CSE1L: variants seen among roughly 807,000 people sequenced by gnomAD.
CSE1L encodes chromosome segregation 1 like.
A neutral mutation model predicts 120.4 loss-of-function variants in CSE1L; 24 were observed. The ratio of observed to expected loss-of-function variants is 0.20; its 90% CI spans 0.14 to 0.28. CSE1L has a LOEUF of 0.28. Ranked by LOEUF, CSE1L falls within the 10% of genes least tolerant of loss-of-function variation. The pLI is 1.00. For missense variants in CSE1L, 830 were observed against 1,145.2 expected (o/e 0.72, Z 3.97); for synonymous variants, 402 against 398.3 (o/e 1.01, Z -0.11).
At chr20:49,069,244 AAAAGACTTG>A (rs1257376323) in intron 7 of CSE1L, among the ~76,000 whole-genome samples, 2 of 152,216 alleles carry the variant, frequency 1.3e-5, no homozygotes, top group Non-Finnish European at 2.9e-5. Flanking sequence ...TGAGGGAGAC[AAAAGACTTG>A]AAGTACCAGA....
At chr20:49,049,913 G>A (rs762259718) in intron 1 of CSE1L, among the ~76,000 whole-genome samples, 5 of 152,150 alleles carry the variant, frequency 3.3e-5, no homozygotes, top group Non-Finnish European at 7.4e-5. Flanking sequence ...TGTAGTCCCA[G>A]CTACTTGGGA....
chr20:49,069,735 A>G (rs1006047417), intron 7 of CSE1L, among the ~76,000 whole-genome samples: 10 of 152,228 alleles, frequency 6.6e-5, no homozygotes, highest in Admixed American at 5.9e-4. Flanking sequence ...CTTGTCTGGC[A>G]GGGAGACCAA....
intron 13 of CSE1L, among the ~76,000 whole-genome samples, chr20:49,078,074 T>TA (rs916113384): frequency 1.3e-5 from 2 of 152,104 alleles, no homozygotes; most frequent in Admixed American, 6.6e-5. Context: ...TATTCCTTTT[T>TA]AAAAAAAATA....
intron 6 of CSE1L, among the ~76,000 whole-genome samples, chr20:49,067,910 CT>C (rs1312608852): frequency 2.4e-5 from 2 of 82,968 alleles, no homozygotes; most frequent in Non-Finnish European, 4.8e-5. Flanking sequence ...TGCTTTTTCT[CT>C]TTTTTTTTCC....
At chr20:49,053,147 CTTTTTT>C (rs71184250) in intron 1 of CSE1L, among the ~76,000 whole-genome samples, 1 of 122,710 alleles carries the variant, frequency 8.1e-6, no homozygotes, top group African/African-American at 3.1e-5. Context: ...CCCTGTCTCT[CTTTTTT>C]TTTTTTTTTT....
chr20:49,071,958 A>T, intron 8 of CSE1L, among the ~76,000 whole-genome samples: 1 of 113,426 alleles, frequency 8.8e-6, no homozygotes. Context: ...ACAGAGGGAG[A>T]CTGCGTCTCA....
At position 49,072,471 on chromosome 20, in the gene CSE1L, A is replaced by G. The variant is rs369149977; in HGVS notation, c.936+18A>G. ...ATGATTTGGTAAGATGATGGTGGAG[A>G]CAAATAATTAAAAGACATTCTCTCC... is the stretch of plus-strand genomic sequence containing the variant. On this transcript the variant is annotated intron_variant, in intron 9 of 24. Transcript: ENST00000262982. 1.9e-6 allele frequency: 3 copies of G among 1,610,822 alleles called. No individual in the cohort carries two copies. Among genetic ancestry groups the G allele is most frequent in the Non-Finnish European group, 2.5e-6 (3 of 1,177,534 alleles).
chr20:49,076,782 C>T (rs545792911), intron 12 of CSE1L, among the ~76,000 whole-genome samples, 198 bp from the exon 13 acceptor site: 37 of 150,460 alleles, frequency 2.5e-4, no homozygotes, highest in African/African-American at 6.6e-4. Context: ...CTACCCGCCT[C>T]GGCCTCCCAA....
At chr20:49,060,181 T>C (rs1302297478) in intron 2 of CSE1L, among the ~76,000 whole-genome samples, 1 of 115,900 alleles carries the variant, frequency 8.6e-6, no homozygotes, top group African/African-American at 3.5e-5. Context: ...GGAAATCTTG[T>C]CTTAAAAAAA....
intron 6 of CSE1L, 119 bp from the exon 7 acceptor site, chr20:49,068,596 C>A: frequency 1.4e-6 from 1 of 694,094 alleles, no homozygotes. Flanking sequence ...AAGACTCCGT[C>A]TCAAAAAAAT....
chr20:49,073,654 T>G (rs962263555), intron 10 of CSE1L, among the ~76,000 whole-genome samples: 2 of 152,042 alleles, frequency 1.3e-5, no homozygotes, highest in African/African-American at 4.8e-5. Flanking sequence ...CTCAGCTAGT[T>G]TTTTATTTTT....
At chr20:49,068,546 C>T (rs2091910252) in intron 6 of CSE1L, among the ~76,000 whole-genome samples, 169 bp from the exon 7 acceptor site, 1 of 152,138 alleles carries the variant, frequency 6.6e-6, no homozygotes, top group African/African-American at 2.4e-5. Context: ...TTGCAGCGAG[C>T]CGAGATTGTG....
At chr20:49,066,120 T>C (rs1314091920) in intron 3 of CSE1L, 72 bp from the exon 4 acceptor site, 20 of 1,265,664 alleles carry the variant, frequency 1.6e-5, no homozygotes, top group Admixed American at 4.2e-5. Context: ...AAAACAGTTA[T>C]GTTTTACCTA....
chr20:49,062,779 T>C (rs2091862155), intron 2 of CSE1L, among the ~76,000 whole-genome samples: 1 of 151,954 alleles, frequency 6.6e-6, no homozygotes, highest in Non-Finnish European at 1.5e-5. Flanking sequence ...AATAATAATA[T>C]ATTAGGATGA....
chr20:49,085,562 A>ATTTTTTTTTTTTT lies in CSE1L; in HGVS notation c.1723+191_1723+203dup, dbSNP rs11471947. Among the ~76,000 whole-genome samples the ATTTTTTTTTTTTT allele has an allele frequency of 1.5e-3, 122 of 80,242 alleles. 17 individuals are homozygous for ATTTTTTTTTTTTT. Among genetic ancestry groups the ATTTTTTTTTTTTT allele is most frequent in the Non-Finnish European group, 1.7e-3 (69 of 41,254 alleles). The allele number at this position is 80,242 out of a possible 152,430, so 52.6% of individuals were successfully genotyped here. ...ATTATCTTGTTTACTACTAACAATA[A>ATTTTTTTTTTTTT]TTTTTTTTTTTTTTTTTTTTTTTTT... On this transcript the variant is annotated intron_variant, in intron 16 of 24. Coordinates refer to ENST00000262982, the MANE Select transcript of CSE1L (RefSeq NM_001316.4).
intron 24 of CSE1L, among the ~76,000 whole-genome samples, chr20:49,095,782 C>T (rs1354422528): frequency 2.0e-5 from 3 of 152,050 alleles, no homozygotes; most frequent in African/African-American, 7.2e-5. Context: ...AGTTCTAGTG[C>T]TTTGGGAGGC....
intron 16 of CSE1L, among the ~76,000 whole-genome samples, chr20:49,086,060 G>A (rs928512545): frequency 4.0e-4 from 61 of 152,130 alleles, no homozygotes. Flanking sequence ...CTTACGTACT[G>A]CCAAGGACAC....
At chr20:49,087,930 G>C in intron 16 of CSE1L, 79 bp from the exon 17 acceptor site, 3 of 884,116 alleles carry the variant, frequency 3.4e-6, no homozygotes, top group East Asian at 5.2e-5. Context: ...GAATTAGTGC[G>C]CTTTTTTCCC....
At chr20:49,058,225 A>AT (rs565504149) in intron 1 of CSE1L, among the ~76,000 whole-genome samples, 60 of 148,074 alleles carry the variant, frequency 4.1e-4, no homozygotes, top group African/African-American at 1.3e-3. Flanking sequence ...AAATTTTGGG[A>AT]TTTTTTTTCA....
Sources: gnomAD v4.1 joint callset for allele counts (sites outside exome capture counted in the v4.1 genomes callset) on GRCh38, gnomAD v4.1.1 for gene constraint, MANE v1.5 for transcripts, NCBI Gene and HGNC (gene_info 2026-07-23, HGNC 2026-07-21) for gene names.